DHDDS: variants seen among roughly 807,000 people sequenced by gnomAD.
The protein encoded by DHDDS is dehydrodolichyl diphosphate synthase complex subunit DHDDS.
DHDDS carries 16 observed loss-of-function variants against 46.2 expected under a neutral mutation model. That is an observed-to-expected ratio of 0.35 (90% CI 0.23 to 0.53). The LOEUF (loss-of-function observed/expected upper bound fraction) is 0.53, where lower values mean the gene tolerates loss of function less well. DHDDS is among the 20% of genes least tolerant of loss of function. The pLI is 0.94. For synonymous variants in DHDDS, 151 were observed against 163.1 expected (o/e 0.93, Z 0.56); for missense variants, 340 against 423.7 (o/e 0.80, Z 1.73).
chr1:26,452,721 C>G (rs1206187416), intron 6 of DHDDS, among the ~76,000 whole-genome samples: 2 of 152,194 alleles, frequency 1.3e-5, no homozygotes, highest in East Asian at 1.9e-4. Flanking sequence ...AGATTTCAAC[C>G]TGGCTTCAGA....
chr1:26,460,963 T>C (rs1280789428), intron 8 of DHDDS, among the ~76,000 whole-genome samples: 7 of 152,298 alleles, frequency 4.6e-5, no homozygotes, highest in African/African-American at 1.7e-4. Context: ...AACCTCCCCC[T>C]CCTGGGTTTG....
chr1:26,462,973 G>C (rs1246661513), intron 8 of DHDDS: 3 of 152,182 alleles, frequency 2.0e-5, no homozygotes, highest in African/African-American at 7.2e-5. Context: ...TGAAGAGAAT[G>C]CAAAGAGACT....
At chr1:26,457,653 C>G in intron 6 of DHDDS, 138 bp from the exon 7 acceptor site, 1 of 646,956 alleles carries the variant, frequency 1.5e-6, no homozygotes. Context: ...TGAGGGCCTT[C>G]TGTGTAGTAT....
Position 26,442,717 on chromosome 1 carries a change from T to G in DHDDS, c.181-14T>G. ...CTTCCTTGTATCCTAGCTCCTTGCC[T>G]TCTCCCCTCTCAGACTCTGCGGTGG... is the stretch of plus-strand genomic sequence containing the variant. On this transcript the variant is annotated splice_polypyrimidine_tract_variant and intron_variant, in intron 3 of 8. Transcript: ENST00000236342. 6.2e-7 allele frequency: 1 copy of G among 1,614,104 alleles called. No homozygotes were observed. The highest frequency in any genetic ancestry group is 1.1e-5 in the South Asian group (1 of 91,056).
intron 2 of DHDDS, chr1:26,433,227 GTCA>G: frequency 1.6e-6 from 1 of 606,172 alleles, no homozygotes; most frequent in Non-Finnish European, 2.9e-6. Flanking sequence ...GCCTCTTAAT[GTCA>G]CTGGGCAGCC....
At chr1:26,434,841 A>C in intron 2 of DHDDS, among the ~76,000 whole-genome samples, 1 of 116,564 alleles carries the variant, frequency 8.6e-6, no homozygotes, top group South Asian at 2.7e-4. Flanking sequence ...TTTTTTTTTT[A>C]GTAGAGTTGG....
At chr1:26,438,932 T>C (rs1325097057) in intron 3 of DHDDS, among the ~76,000 whole-genome samples, 1 of 152,118 alleles carries the variant, frequency 6.6e-6, no homozygotes, top group African/African-American at 2.4e-5. Context: ...CACTTAACAT[T>C]TTGGTTTTGT....
At chr1:26,439,077 C>T (rs1238775576) in intron 3 of DHDDS, among the ~76,000 whole-genome samples, 1 of 152,034 alleles carries the variant, frequency 6.6e-6, no homozygotes, top group Non-Finnish European at 1.5e-5. Context: ...ATTGAACACC[C>T]GTCACCATGT....
intron 6 of DHDDS, among the ~76,000 whole-genome samples, chr1:26,455,931 C>T (rs1570354762): frequency 6.6e-6 from 1 of 152,174 alleles, no homozygotes; most frequent in Non-Finnish European, 1.5e-5. Context: ...ATTCTGAATT[C>T]TGCTTCTGGG....
chr1:26,447,419 C>A, intron 5 of DHDDS, 140 bp from the exon 6 acceptor site: 1 of 719,060 alleles, frequency 1.4e-6, no homozygotes, highest in Non-Finnish European at 2.5e-6. Flanking sequence ...ATAATTTCAC[C>A]TTTCAGAGGT....
At chr1:26,445,112 G>A (rs1413449927) in intron 4 of DHDDS, among the ~76,000 whole-genome samples, 3 of 152,180 alleles carry the variant, frequency 2.0e-5, no homozygotes, top group East Asian at 1.9e-4. Context: ...ATTACCTAAC[G>A]TCCCTGTGCC....
rs2075552808 is a variant in DHDDS, at chr1:26,471,085, C to A, written c.*1954C>A. On this transcript the variant is annotated 3_prime_UTR_variant, in exon 9 of 9. Coordinates refer to ENST00000236342, the MANE Select transcript of DHDDS (RefSeq NM_205861.3). The stretch of plus-strand genomic sequence containing the variant: ...TGGTGGAAAGAAGAGGCAGAGAGGT[C>A]GTCGTCGTCGCCCAGCAGCAAGGGC... The A allele has an allele frequency of 6.6e-6, 1 of 152,282 alleles. No individual in the cohort carries two copies. Among genetic ancestry groups the A allele is most frequent in the African/African-American group, 2.4e-5 (1 of 41,404 alleles). The allele number at this position is 152,282 out of a possible 1,614,324, so 9.4% of individuals were successfully genotyped here. A position where few individuals can be genotyped will look rare whatever the true frequency, so the allele number is the denominator to read the frequency against.
At chr1:26,450,908 T>C (rs1447188124) in intron 6 of DHDDS, among the ~76,000 whole-genome samples, 3 of 152,216 alleles carry the variant, frequency 2.0e-5, no homozygotes, top group African/African-American at 7.2e-5. Context: ...AAATAAATAT[T>C]AAGGCACAAG....
At chr1:26,438,040 CA>C (rs2075178775) in intron 2 of DHDDS, 127 bp from the exon 3 acceptor site, 4 of 927,550 alleles carry the variant, frequency 4.3e-6, no homozygotes, top group Non-Finnish European at 3.5e-6. Context: ...GTTAAAAGCA[CA>C]AAGTACCCAA....
intron 8 of DHDDS, among the ~76,000 whole-genome samples, chr1:26,465,589 A>C (rs919615645): frequency 4.6e-5 from 7 of 152,240 alleles, no homozygotes; most frequent in African/African-American, 1.7e-4. Flanking sequence ...GTTTACAGTA[A>C]TACCTACCTT....
intron 6 of DHDDS, among the ~76,000 whole-genome samples, chr1:26,456,982 G>T (rs1267506187): frequency 6.6e-6 from 1 of 152,106 alleles, no homozygotes; most frequent in Non-Finnish European, 1.5e-5. Context: ...CAGTTGCATA[G>T]TATTTCATCA....
intron 5 of DHDDS, 50 bp downstream of exon 5, chr1:26,446,482 T>C: frequency 6.4e-7 from 1 of 1,573,092 alleles, no homozygotes; most frequent in Non-Finnish European, 8.7e-7. Context: ...TTTGATTCCC[T>C]GCTGGCTTTA....
At chr1:26,433,812 T>C (rs2075127400) in intron 2 of DHDDS, among the ~76,000 whole-genome samples, 1 of 152,194 alleles carries the variant, frequency 6.6e-6, no homozygotes, top group African/African-American at 2.4e-5. Flanking sequence ...CTTGGCTTAC[T>C]GCAACCTTCA....
chr1:26,452,356 A>AT (rs747996791), intron 6 of DHDDS, among the ~76,000 whole-genome samples: 15 of 152,098 alleles, frequency 9.9e-5, no homozygotes, highest in Non-Finnish European at 1.8e-4. Flanking sequence ...GTATATATGT[A>AT]TTTTTTTAGC....
Sources: allele counts gnomAD v4.1 joint callset (sites outside exome capture counted in the v4.1 genomes callset), GRCh38; gene constraint gnomAD v4.1.1; transcripts MANE v1.5; gene names NCBI Gene and HGNC (gene_info 2026-07-23, HGNC 2026-07-21).